The following TANC2 variants were observed in gnomAD, a reference collection of about 807,000 sequenced individuals.
The protein encoded by TANC2 is protein TANC2.
A neutral mutation model predicts 210.5 loss-of-function variants in TANC2; 26 were observed. The observed-to-expected ratio is 0.12, with a 90% CI of 0.09 to 0.17. The LOEUF (loss-of-function observed/expected upper bound fraction) is 0.17. TANC2 is among the 10% of genes least tolerant of loss of function. The pLI, the probability that TANC2 is intolerant of heterozygous loss-of-function variation, is 1.00. For synonymous variants in TANC2, 931 were observed against 967.1 expected (o/e 0.96, Z 0.69); for missense variants, 2,129 against 2,608.9 (o/e 0.82, Z 4.01).
At chr17:63,140,862 G>A (rs903341361) in intron 4 of TANC2, among the ~76,000 whole-genome samples, 4 of 151,942 alleles carry the variant, frequency 2.6e-5, no homozygotes, top group African/African-American at 9.7e-5. Flanking sequence ...TTCTGCTGCT[G>A]CAGCCTCCCG....
chr17:63,322,502 A>C (rs1415120801), intron 11 of TANC2, among the ~76,000 whole-genome samples: 4 of 152,218 alleles, frequency 2.6e-5, no homozygotes, highest in Non-Finnish European at 5.9e-5. Context: ...CGTCTCAAAA[A>C]AAAAGAACAG....
intron 2 of TANC2, among the ~76,000 whole-genome samples, chr17:63,031,566 A>G: frequency 6.6e-6 from 1 of 152,126 alleles, no homozygotes; most frequent in Non-Finnish European, 1.5e-5. Context: ...AAAAATGGTC[A>G]GACCATTCAG....
At chr17:63,101,004 G>A (rs1006687010) in intron 4 of TANC2, among the ~76,000 whole-genome samples, 1 of 152,104 alleles carries the variant, frequency 6.6e-6, no homozygotes, top group African/African-American at 2.4e-5. Flanking sequence ...GATTAAGAAT[G>A]CATTTTTAAA....
At chr17:63,138,747 A>G (rs968095878) in intron 4 of TANC2, among the ~76,000 whole-genome samples, 8 of 152,230 alleles carry the variant, frequency 5.3e-5, no homozygotes, top group Non-Finnish European at 8.8e-5. Context: ...TGGTAACACA[A>G]TTTAGAAACT....
intron 4 of TANC2, among the ~76,000 whole-genome samples, chr17:63,141,640 G>A (rs117833572): frequency 1.3e-5 from 2 of 151,920 alleles, no homozygotes; most frequent in East Asian, 3.9e-4. Context: ...TTTTAGAGCT[G>A]TGTACCTCAC....
At chr17:63,410,394 A>G (rs1369991608) in intron 21 of TANC2, among the ~76,000 whole-genome samples, 3 of 139,146 alleles carry the variant, frequency 2.2e-5, no homozygotes, top group Non-Finnish European at 4.6e-5. Context: ...TGATTCTATG[A>G]ATTTAACTTT....
chr17:63,349,905 C>T (rs77851226), intron 12 of TANC2, among the ~76,000 whole-genome samples: 2 of 152,198 alleles, frequency 1.3e-5, no homozygotes, highest in East Asian at 1.9e-4. Context: ...CTTAGTGCTT[C>T]GTCATCTAGA....
In TANC2 at chr17:63,423,958, C is replaced by G. The variant is rs2049084394; in HGVS notation, c.*2003C>G. The G allele has an allele frequency of 2.0e-5, 3 of 152,304 alleles. No homozygotes were observed. The South Asian group carries it at 6.2e-4, about 32-fold the overall frequency. 9.4% of individuals were successfully genotyped at this position (152,304 alleles called of 1,614,324 possible). On this transcript the variant is annotated 3_prime_UTR_variant, in exon 28 of 28. Transcript: ENST00000689528. ...CATCAGGAAGATGAAATGTGTAGCTCTAGCGGCAACCTCTAGCCAGGAGCC... is the reference window on the plus strand; with the variant it reads ...CATCAGGAAGATGAAATGTGTAGCTGTAGCGGCAACCTCTAGCCAGGAGCC...
chr17:63,355,309 G>A (rs1353225798), exon 14 of TANC2: 83 of 1,612,128 alleles, frequency 5.1e-5, no homozygotes, highest in Non-Finnish European at 6.7e-5. Flanking sequence ...GACATGACTC[G>A]TATGTTTGTA....
intron 11 of TANC2, among the ~76,000 whole-genome samples, chr17:63,328,137 T>C (rs537378964): frequency 3.3e-5 from 5 of 152,150 alleles, no homozygotes; most frequent in East Asian, 3.9e-4. Context: ...GAGCTAAACA[T>C]TGAGTACACA....
chr17:63,159,005 C>G (rs2039934070), intron 5 of TANC2, among the ~76,000 whole-genome samples: 1 of 152,224 alleles, frequency 6.6e-6, no homozygotes, highest in Admixed American at 6.5e-5. Context: ...ATGTGGGCGT[C>G]TCCGTAGGGC....
At chr17:63,330,624 G>T (rs1367440565) in intron 11 of TANC2, among the ~76,000 whole-genome samples, 1 of 152,146 alleles carries the variant, frequency 6.6e-6, no homozygotes. Flanking sequence ...TCTTTTATAA[G>T]AAAGATATGT....
intron 15 of TANC2, among the ~76,000 whole-genome samples, chr17:63,388,383 T>C (rs1284147125): frequency 6.6e-6 from 1 of 152,176 alleles, no homozygotes; most frequent in Non-Finnish European, 1.5e-5. Context: ...AAATAAATTA[T>C]ATCCAGATAG....
intron 5 of TANC2, among the ~76,000 whole-genome samples, chr17:63,186,214 G>A (rs114881355): frequency 1.3e-5 from 2 of 152,104 alleles, no homozygotes; most frequent in Admixed American, 1.3e-4. Context: ...ATTATATATA[G>A]AGAGAGATCT....
chr17:63,165,262 G>A (rs2040173066), intron 5 of TANC2, among the ~76,000 whole-genome samples: 1 of 146,326 alleles, frequency 6.8e-6, no homozygotes, highest in South Asian at 2.2e-4. Context: ...CTGTAACAGA[G>A]TGAGACCCTA....
intron 7 of TANC2, among the ~76,000 whole-genome samples, chr17:63,219,462 TATAC>T (rs1174748433): frequency 1.3e-5 from 2 of 151,846 alleles, no homozygotes; most frequent in African/African-American, 4.9e-5. Context: ...ATTCCTCGTC[TATAC>T]ATTCAGTGCA....
At chr17:63,362,854 G>T (rs1212567652) in intron 14 of TANC2, among the ~76,000 whole-genome samples, 1 of 152,138 alleles carries the variant, frequency 6.6e-6, no homozygotes, top group South Asian at 2.1e-4. Flanking sequence ...GCTGGGCAGG[G>T]CTCCCACCCT....
At position 63,396,160 on chromosome 17, in the gene TANC2, T is replaced by C. The variant is rs139695073; in HGVS notation, c.3237+232T>C. On this transcript the variant is annotated intron_variant, in intron 18 of 27. Coordinates refer to ENST00000689528, the Ensembl canonical transcript of TANC2. ...GTTGGAAAGGACCGTGGAAATGATA[T>C]AATTATTCTCCATGTTTTCCTCCCT... 2.8e-4 allele frequency: 132 copies of C among 476,234 alleles called. 1 individual carries two copies. Among genetic ancestry groups the C allele is most frequent in the African/African-American group, 2.3e-3 (121 of 51,700 alleles). The allele number at this position is 476,234 out of a possible 1,614,324, so 29.5% of individuals were successfully genotyped here.
chr17:62,986,599 C>G (rs2032577769), intron 1 of TANC2, among the ~76,000 whole-genome samples: 1 of 151,776 alleles, frequency 6.6e-6, no homozygotes, highest in African/African-American at 2.4e-5. Flanking sequence ...TGGGGGTGAC[C>G]TGTGAGGCTG....
Sources: allele counts gnomAD v4.1 joint callset (sites outside exome capture counted in the v4.1 genomes callset), GRCh38; gene constraint gnomAD v4.1.1; transcripts MANE v1.5; gene names NCBI Gene and HGNC (gene_info 2026-07-23, HGNC 2026-07-21).